The following BMPER variants were observed in gnomAD, a reference collection of about 807,000 sequenced individuals.
The protein encoded by BMPER is BMP-binding endothelial regulator protein.
BMPER carries 45 observed loss-of-function variants against 87.3 expected under a neutral mutation model. That is an observed-to-expected ratio of 0.52 (90% CI 0.41 to 0.66). The LOEUF (loss-of-function observed/expected upper bound fraction) is 0.66, where lower values mean the gene tolerates loss of function less well. Ranked by LOEUF, BMPER falls within the 30% of genes least tolerant of loss-of-function variation. BMPER has a pLI of 0.00. For synonymous variants in BMPER, 326 were observed against 316.2 expected (o/e 1.03, Z -0.33); for missense variants, 784 against 867.5 (o/e 0.90, Z 1.21).
intron 6 of BMPER, among the ~76,000 whole-genome samples, chr7:33,981,776 A>C (rs1489330330): frequency 6.6e-6 from 1 of 152,204 alleles, no homozygotes; most frequent in Non-Finnish European, 1.5e-5. Flanking sequence ...GATGCACGTC[A>C]TTGTGGATGA....
intron 6 of BMPER, among the ~76,000 whole-genome samples, chr7:33,994,098 G>A (rs879511505): frequency 1.5e-4 from 20 of 134,396 alleles, no homozygotes; most frequent in Non-Finnish European, 3.2e-4. Context: ...GCCCCCAGAG[G>A]TGGAGCCTAC....
chr7:34,030,294 T>A (rs933403600), intron 6 of BMPER, among the ~76,000 whole-genome samples: 1 of 152,124 alleles, frequency 6.6e-6, no homozygotes, highest in Admixed American at 6.6e-5. Flanking sequence ...AGACCTATAG[T>A]AGTAAAATTG....
intron 13 of BMPER, among the ~76,000 whole-genome samples, chr7:34,118,170 T>A (rs1177031640): frequency 6.6e-6 from 1 of 151,978 alleles, no homozygotes; most frequent in Non-Finnish European, 1.5e-5. Flanking sequence ...CTGGGCATGA[T>A]CATGCATGCC....
intron 6 of BMPER, among the ~76,000 whole-genome samples, chr7:34,019,926 G>A (rs1014128241): frequency 1.3e-5 from 2 of 150,224 alleles, no homozygotes; most frequent in African/African-American, 4.9e-5. Flanking sequence ...GGAGGAAGCT[G>A]TTCTGTAAGG....
intron 8 of BMPER, 44 bp downstream of exon 8, chr7:34,052,014 T>A (rs1260709623): frequency 6.5e-7 from 1 of 1,526,910 alleles, no homozygotes; most frequent in Non-Finnish European, 9.1e-7. Flanking sequence ...TGATAGGGTT[T>A]GGGTTTCAGT....
At chr7:34,053,524 C>T (rs184007464) in intron 8 of BMPER, among the ~76,000 whole-genome samples, 2 of 152,206 alleles carry the variant, frequency 1.3e-5, no homozygotes, top group Admixed American at 1.3e-4. Flanking sequence ...TGACTGAAAG[C>T]CTTACCAATC....
chr7:34,101,876 T>G (rs1197190108), intron 13 of BMPER, among the ~76,000 whole-genome samples: 3 of 152,208 alleles, frequency 2.0e-5, no homozygotes, highest in Non-Finnish European at 4.4e-5. Flanking sequence ...GGAGCCCACA[T>G]GTGTGGCACT....
rs553607563 is a variant in BMPER, at chr7:34,131,138, G to A, written c.1746-12092G>A. Among the ~76,000 whole-genome samples, 18 of 152,222 alleles carry A rather than the reference G, an allele frequency of 1.2e-4. No individual in the cohort carries two copies. In the East Asian group the frequency reaches 2.5e-3, roughly 21 times the overall value. ...TGGCATGGAGGGGAAGGCCTGTGGT[G>A]TTTATGATTTGGCTTTGGGGAATGT... On this transcript the variant is annotated intron_variant, in intron 13 of 14. Coordinates refer to ENST00000649409, the MANE Select transcript of BMPER (RefSeq NM_001365308.1).
chr7:34,085,237 CTAAA>C (rs1177857498), intron 12 of BMPER, among the ~76,000 whole-genome samples: 1 of 152,096 alleles, frequency 6.6e-6, no homozygotes, highest in Non-Finnish European at 1.5e-5. Context: ...TATTCAGAAA[CTAAA>C]TATTGATTGC....
upstream of BMPER, chr7:33,904,944 C>T (rs1223722921): frequency 1.3e-5 from 2 of 153,086 alleles, no homozygotes; most frequent in East Asian, 1.9e-4. This position sits in a 1 kb window ranked among gnomAD's most constrained non-coding sequence, Gnocchi z 5.4. Flanking sequence ...GGCTCTGGTC[C>T]GCGCCCTGGG....
chr7:34,002,290 T>C (rs1786602364), intron 6 of BMPER, among the ~76,000 whole-genome samples: 1 of 151,828 alleles, frequency 6.6e-6, no homozygotes, highest in African/African-American at 2.4e-5. Context: ...TTTTTTACTT[T>C]CAGTACAGTA....
chr7:33,927,961 G>A (rs1183350518), intron 2 of BMPER, among the ~76,000 whole-genome samples: 2 of 152,160 alleles, frequency 1.3e-5, no homozygotes, highest in Admixed American at 6.5e-5. Flanking sequence ...GCTGAAGGGC[G>A]CCCAGCAGTG....
At chr7:34,076,157 A>G (rs1400002077) in intron 11 of BMPER, among the ~76,000 whole-genome samples, 1 of 152,106 alleles carries the variant, frequency 6.6e-6, no homozygotes, top group Non-Finnish European at 1.5e-5. Context: ...CTCCCTGGAC[A>G]TTCTCCATTG....
chr7:34,088,791 A>G (rs1436242152), intron 13 of BMPER, among the ~76,000 whole-genome samples: 1 of 151,992 alleles, frequency 6.6e-6, no homozygotes, highest in Non-Finnish European at 1.5e-5. Context: ...CCCTGGATTC[A>G]CCGTTTACCT....
intron 2 of BMPER, among the ~76,000 whole-genome samples, chr7:33,932,346 G>C (rs548660596): frequency 1.3e-5 from 2 of 152,336 alleles, no homozygotes; most frequent in African/African-American, 4.8e-5. Context: ...GACATATTGA[G>C]TATTGTTCAC....
chr7:33,912,117 T>TAAAC lies in BMPER; in HGVS notation c.219+5233_219+5236dup, dbSNP rs370670959. ...TTTTCCCCTCGCTTTCCATTAAACA[T>TAAAC]AAACAAACAAACAAACAAACAACAA... On this transcript the variant is annotated intron_variant, in intron 2 of 14. Transcript: ENST00000649409. 2.6e-3 allele frequency among the ~76,000 whole-genome samples: 393 copies of TAAAC among 152,204 alleles called. 10 individuals are homozygous for TAAAC. The highest frequency in any genetic ancestry group is 0.019 in the Admixed American group (297 of 15,280).
At chr7:34,089,617 G>A (rs1387582475) in intron 13 of BMPER, among the ~76,000 whole-genome samples, 1 of 151,994 alleles carries the variant, frequency 6.6e-6, no homozygotes. Context: ...TCAAGTAGCT[G>A]GGATTATAGG....
chr7:34,017,147 ACTGATCATCTGAACT>A (rs1787047667), intron 6 of BMPER, among the ~76,000 whole-genome samples: 1 of 151,888 alleles, frequency 6.6e-6, no homozygotes, highest in African/African-American at 2.4e-5. Flanking sequence ...TCTGACGAAG[ACTGATCATCTGAACT>A]TGAGGAGAGT....
At chr7:34,070,921 A>G (rs1048496277) in intron 11 of BMPER, among the ~76,000 whole-genome samples, 6 of 151,200 alleles carry the variant, frequency 4.0e-5, no homozygotes, top group African/African-American at 1.5e-4. Context: ...TTTGGAATAC[A>G]TTTAAACTTC....
Sources: allele counts gnomAD v4.1 joint callset (sites outside exome capture counted in the v4.1 genomes callset), GRCh38; gene constraint gnomAD v4.1.1; non-coding constraint Gnocchi (gnomAD v3.1); transcripts MANE v1.5; gene names NCBI Gene and HGNC (gene_info 2026-07-23, HGNC 2026-07-21).